The following ARHGAP24 variants were observed in gnomAD, a reference collection of about 807,000 sequenced individuals.
ARHGAP24 encodes Rho GTPase activating protein 24.
ARHGAP24 carries 50 observed loss-of-function variants against 76.4 expected under a neutral mutation model. The observed-to-expected ratio is 0.65, with a 90% confidence interval of 0.52 to 0.83. ARHGAP24 has a LOEUF of 0.83. Among genes scored for constraint, ARHGAP24 ranks in the 40% least tolerant of loss-of-function variants. ARHGAP24 has a pLI of 0.00. For synonymous variants in ARHGAP24, 345 were observed against 323.3 expected (o/e 1.07, Z -0.72); for missense variants, 930 against 914.2 (o/e 1.02, Z -0.22).
intron 2 of ARHGAP24, among the ~76,000 whole-genome samples, chr4:85,598,956 T>G (rs1719938599): frequency 1.3e-5 from 2 of 151,808 alleles, no homozygotes; most frequent in African/African-American, 2.4e-5. Flanking sequence ...AATATTAATT[T>G]TAATATGTTA....
chr4:85,687,489 T>C lies in ARHGAP24; in HGVS notation c.181-34396T>C, dbSNP rs138216425. ...CATGTATTTGTCCACCTGTGCTAAA[T>C]ATTTATAAGTGGGAACATGTGGTAT... is the stretch of plus-strand genomic sequence containing the variant. On this transcript the variant is annotated intron_variant, in intron 2 of 9. Coordinates refer to ENST00000395184, the MANE Select transcript of ARHGAP24 (RefSeq NM_001025616.3). Among the ~76,000 whole-genome samples, 1,070 of 152,316 alleles carry C rather than the reference T, an allele frequency of 7.0e-3. 11 individuals carry two copies. Among genetic ancestry groups the C allele is most frequent in the African/African-American group, 0.024 (992 of 41,570 alleles).
Position 85,942,268 on chromosome 4 carries a change from T to A in ARHGAP24, c.594T>A (p.Phe198Leu), listed in dbSNP as rs377337392. 42 of 1,613,882 alleles carry A rather than the reference T, an allele frequency of 2.6e-5. No individual in the cohort carries two copies. Among genetic ancestry groups the A allele is most frequent in the Non-Finnish European group, 3.5e-5 (41 of 1,179,992 alleles). Residue 198 changes from phenylalanine to leucine, a missense_variant, in exon 5 of 10, where the codon TTT becomes TTA. By Grantham distance (22) the Phe-to-Leu change is conservative. Coordinates refer to ENST00000395184, the MANE Select transcript of ARHGAP24 (RefSeq NM_001025616.3). Reference protein sequence around the residue: ...DAFDCGEKPSFDSNTDVHTVA... With the variant: ...DAFDCGEKPSLDSNTDVHTVA... ...TTGACTGTGGGGAGAAGCCATCATTTGACAGGTAGATGTCACAATTTTACT... is the reference window on the plus strand; with the variant it reads ...TTGACTGTGGGGAGAAGCCATCATTAGACAGGTAGATGTCACAATTTTACT...
chr4:85,718,555 A>G (rs1259612490), intron 2 of ARHGAP24, among the ~76,000 whole-genome samples: 1 of 152,138 alleles, frequency 6.6e-6, no homozygotes, highest in Admixed American at 6.6e-5. Context: ...TCCCTTAGTT[A>G]TGGACTTTAC....
intron 2 of ARHGAP24, among the ~76,000 whole-genome samples, chr4:85,666,293 T>A (rs1295952568): frequency 6.6e-6 from 1 of 152,212 alleles, no homozygotes; most frequent in African/African-American, 2.4e-5. Context: ...TACCCTTTCT[T>A]CCAGTTGATC....
intron 2 of ARHGAP24, among the ~76,000 whole-genome samples, chr4:85,640,832 G>A (rs1261363608): frequency 3.3e-5 from 5 of 151,954 alleles, no homozygotes; most frequent in Non-Finnish European, 7.4e-5. Flanking sequence ...ACAAACAAAG[G>A]CCATAGAGTA....
intron 2 of ARHGAP24, among the ~76,000 whole-genome samples, chr4:85,592,730 A>G (rs1728169223): frequency 6.6e-6 from 1 of 152,200 alleles, no homozygotes; most frequent in Admixed American, 6.5e-5. Flanking sequence ...AAGAGAGAAT[A>G]TGCAAGAAAA....
chr4:85,940,820 T>A (rs1736913060), intron 4 of ARHGAP24, among the ~76,000 whole-genome samples: 1 of 152,218 alleles, frequency 6.6e-6, no homozygotes, highest in African/African-American at 2.4e-5. Context: ...ATACCAGGTG[T>A]AGAATAGTTG....
chr4:85,886,754 A>C (rs951920119), intron 3 of ARHGAP24, among the ~76,000 whole-genome samples: 1 of 152,112 alleles, frequency 6.6e-6, no homozygotes, highest in Non-Finnish European at 1.5e-5. Flanking sequence ...TCCCCCTAAG[A>C]TTTTCAAATA....
At chr4:85,979,290 A>G (rs1443682460) in intron 8 of ARHGAP24, among the ~76,000 whole-genome samples, 1 of 152,176 alleles carries the variant, frequency 6.6e-6, no homozygotes, top group Non-Finnish European at 1.5e-5. Flanking sequence ...CTGATATTGT[A>G]ATTATGTGGT....
chr4:85,883,284 G>A (rs79832695), intron 3 of ARHGAP24, among the ~76,000 whole-genome samples: 3,741 of 152,288 alleles, frequency 0.025, 163 homozygotes, highest in African/African-American at 0.086. Flanking sequence ...TGTAGAGATA[G>A]GGAGAATGTT....
At chr4:86,000,458 C>T (rs1560778716) in intron 9 of ARHGAP24, 21 bp from the exon 10 acceptor site, 4 of 753,362 alleles carry the variant, frequency 5.3e-6, no homozygotes, top group African/African-American at 1.9e-5. Flanking sequence ...CACCCCCCAC[C>T]CCCCCCAACA....
At chr4:85,476,489 G>A (rs1227764375) in intron 1 of ARHGAP24, among the ~76,000 whole-genome samples, 1 of 151,970 alleles carries the variant, frequency 6.6e-6, no homozygotes, top group Non-Finnish European at 1.5e-5. Flanking sequence ...TAAATAAATC[G>A]TGCTGAGTAT....
At chr4:85,980,149 C>T (rs969297085) in intron 8 of ARHGAP24, among the ~76,000 whole-genome samples, 1 of 152,170 alleles carries the variant, frequency 6.6e-6, no homozygotes, top group African/African-American at 2.4e-5. Context: ...AAGCTAGATG[C>T]TTAGTGCCAG....
intron 2 of ARHGAP24, among the ~76,000 whole-genome samples, chr4:85,697,519 T>C (rs561714928): frequency 2.0e-4 from 30 of 152,356 alleles, no homozygotes; most frequent in African/African-American, 6.5e-4. Flanking sequence ...TAAAAAAATA[T>C]GTCTGCATAA....
At chr4:85,688,954 T>A (rs1245852402) in intron 2 of ARHGAP24, among the ~76,000 whole-genome samples, 2 of 152,220 alleles carry the variant, frequency 1.3e-5, no homozygotes. Flanking sequence ...ACTGTAGCTT[T>A]ACAGTATAAT....
chr4:85,721,561 C>A (rs7658797), intron 2 of ARHGAP24, among the ~76,000 whole-genome samples: 59,945 of 151,970 alleles, frequency 0.39, 13,164 homozygotes, highest in East Asian at 0.91. Flanking sequence ...GATTATACTA[C>A]CAATTAAATA....
Position 85,706,728 on chromosome 4 carries a change from G to A in ARHGAP24, c.181-15157G>A, listed in dbSNP as rs189985989. On this transcript the variant is annotated intron_variant, in intron 2 of 9. Transcript: ENST00000395184. ...TTACAGGCAGGCACCACCATGCCCG[G>A]CTAATTTTTGTATTTTTAGTAGAGA... Among the ~76,000 whole-genome samples the A allele has an allele frequency of 3.0e-3, 451 of 151,844 alleles. 1 individual carries two copies. The highest frequency in any genetic ancestry group is 4.7e-3 in the Non-Finnish European group (321 of 67,934).
chr4:85,653,951 G>A (rs986414399), intron 2 of ARHGAP24, among the ~76,000 whole-genome samples: 1 of 151,680 alleles, frequency 6.6e-6, no homozygotes, highest in Admixed American at 6.6e-5. Flanking sequence ...GTACTACATG[G>A]CCTCTGATTC....
At chr4:85,818,827 G>A (rs1209494658) in intron 3 of ARHGAP24, among the ~76,000 whole-genome samples, 2 of 152,032 alleles carry the variant, frequency 1.3e-5, no homozygotes, top group African/African-American at 2.4e-5. Context: ...TCCAGTTAAC[G>A]TTTATTGATT....
Sources: allele counts gnomAD v4.1 joint callset (sites outside exome capture counted in the v4.1 genomes callset), GRCh38; gene constraint gnomAD v4.1.1; transcripts MANE v1.5; gene names NCBI Gene and HGNC (gene_info 2026-07-23, HGNC 2026-07-21).